Variants in PSPC1 observed in about 807,000 individuals in gnomAD.
The protein encoded by PSPC1 is paraspeckle protein 1.
PSPC1 carries 14 observed loss-of-function variants against 51.6 expected under a neutral mutation model. The ratio of observed to expected loss-of-function variants is 0.27; its 90% CI spans 0.18 to 0.42. The LOEUF is 0.42. PSPC1 is among the 10% of genes least tolerant of loss of function. The pLI, the probability that PSPC1 is intolerant of heterozygous loss-of-function variation, is 1.00. For synonymous variants in PSPC1, 193 were observed against 231.9 expected, an observed-to-expected ratio of 0.83 and a Z score of 1.53; for missense variants, 406 against 701.1, an observed-to-expected ratio of 0.58 and a Z score of 4.75.
chr13:19,717,937 G>A (rs1882318746), intron 6 of PSPC1, among the ~76,000 whole-genome samples: 1 of 151,662 alleles, frequency 6.6e-6, no homozygotes, highest in Admixed American at 6.6e-5. Context: ...TCAGGGTTTT[G>A]GGGGACCAAC....
chr13:19,680,834 C>T (rs9579656), intron 6 of PSPC1, among the ~76,000 whole-genome samples: 26,270 of 152,144 alleles, frequency 0.17, 2,447 homozygotes, highest in Middle Eastern at 0.22. Context: ...TCTAACCACC[C>T]CCTAAGATTG....
intron 7 of PSPC1, 122 bp from the exon 8 acceptor site, chr13:19,705,953 AATGCG>A (rs1880599939): frequency 1.3e-6 from 1 of 767,598 alleles, no homozygotes; most frequent in Admixed American, 3.2e-5. Context: ...GCTCCTTAAG[AATGCG>A]ATATGCGTTA....
At chr13:19,732,787 C>T (rs1054617715) in intron 5 of PSPC1, among the ~76,000 whole-genome samples, 3 of 151,962 alleles carry the variant, frequency 2.0e-5, no homozygotes, top group Non-Finnish European at 2.9e-5. Context: ...ATTTGCTGGA[C>T]GCGGTGGCAC....
At chr13:19,730,946 G>GGAAAAAAAAAAAAA (rs1463819333) in intron 5 of PSPC1, among the ~76,000 whole-genome samples, 1 of 25,222 alleles carries the variant, frequency 4.0e-5, no homozygotes, top group Non-Finnish European at 1.0e-4. Flanking sequence ...CCCTGTCTCA[G>GGAAAAAAAAAAAAA]AAAAAAAAAA....
intron 6 of PSPC1, among the ~76,000 whole-genome samples, chr13:19,720,783 G>A (rs1223325775): frequency 6.6e-6 from 1 of 152,192 alleles, no homozygotes; most frequent in Non-Finnish European, 1.5e-5. Context: ...TTGACACATA[G>A]TGCACAATAT....
chr13:19,748,993 C>T (rs1270503063), intron 4 of PSPC1, among the ~76,000 whole-genome samples: 2 of 151,416 alleles, frequency 1.3e-5, no homozygotes, highest in Non-Finnish European at 2.9e-5. Flanking sequence ...GTAGATCACT[C>T]GAGGCTAGGA....
At chr13:19,704,429 C>T (rs1275905677) in intron 8 of PSPC1, among the ~76,000 whole-genome samples, 1 of 152,296 alleles carries the variant, frequency 6.6e-6, no homozygotes, top group Non-Finnish European at 1.5e-5. Flanking sequence ...CTAAGACATA[C>T]AATGCATTGC....
chr13:19,697,030 T>C (rs1879339914), intron 6 of PSPC1, among the ~76,000 whole-genome samples: 1 of 152,242 alleles, frequency 6.6e-6, no homozygotes, highest in Non-Finnish European at 1.5e-5. Context: ...GCTGTAAATG[T>C]CTGAGGGTGT....
chr13:19,778,301 AAATT>A (rs201397481), intron 1 of PSPC1, among the ~76,000 whole-genome samples: 71,851 of 145,984 alleles, frequency 0.49, 22,016 homozygotes, highest in East Asian at 0.81. Flanking sequence ...AAAAAGAAAA[AAATT>A]AATAAAAATA....
chr13:19,726,403 A>C (rs929202122), intron 6 of PSPC1, among the ~76,000 whole-genome samples: 1 of 152,226 alleles, frequency 6.6e-6, no homozygotes, highest in African/African-American at 2.4e-5. Flanking sequence ...CTGAATCAAA[A>C]TACTTGGAGG....
intron 6 of PSPC1, chr13:19,677,890 C>G (rs1876846221): frequency 2.2e-6 from 1 of 455,950 alleles, no homozygotes; most frequent in Admixed American, 2.4e-5. Flanking sequence ...TGAGAAAAAT[C>G]AGAGTTAACT....
intron 6 of PSPC1, among the ~76,000 whole-genome samples, chr13:19,686,265 C>T (rs1392283056): frequency 2.0e-5 from 3 of 152,148 alleles, no homozygotes; most frequent in Non-Finnish European, 4.4e-5. Flanking sequence ...GAGCAATCTC[C>T]GTCCCAAGGG....
intron 1 of PSPC1, among the ~76,000 whole-genome samples, chr13:19,775,608 C>G (rs1339725068): frequency 6.6e-6 from 1 of 152,192 alleles, no homozygotes; most frequent in African/African-American, 2.4e-5. Context: ...GCATTCTAAA[C>G]AGTCGTTTTG....
rs372493744 is a variant in PSPC1 at position 19,692,677 on chromosome 13, C to T, written c.1159-14854G>A. On this transcript the variant is annotated intron_variant and NMD_transcript_variant, in intron 6 of 7. Coordinates refer to the PSPC1 transcript ENST00000471658. Reference sequence around the variant, plus strand: ...GCAGCTACATCAATCACCTCACCATCGACCCTGAACACACTTACCTTTGGC... The same window carrying T: ...GCAGCTACATCAATCACCTCACCATTGACCCTGAACACACTTACCTTTGGC... 6.8e-4 allele frequency among the ~76,000 whole-genome samples: 104 copies of T among 152,258 alleles called. 2 individuals are homozygous for T. The South Asian group carries it at 0.02, about 29-fold the overall frequency.
intron 2 of PSPC1, among the ~76,000 whole-genome samples, chr13:19,765,338 A>T (rs543396469): frequency 9.9e-5 from 14 of 141,714 alleles, no homozygotes; most frequent in South Asian, 2.1e-4. Context: ...TAATAATAAT[A>T]ATAATAATTA....
downstream of PSPC1, chr13:19,671,782 G>T: frequency 6.4e-7 from 1 of 1,574,052 alleles, no homozygotes; most frequent in South Asian, 1.1e-5. Flanking sequence ...TTTCTTGTAA[G>T]AAAGGGGAAA....
intron 6 of PSPC1, among the ~76,000 whole-genome samples, chr13:19,683,706 A>G (rs9506355): frequency 0.91 from 138,700 of 152,204 alleles, 64,536 homozygotes; most frequent in Non-Finnish European, 1. Context: ...CCTAAAATAA[A>G]ACCATGTTCA....
At chr13:19,761,351 A>G (rs1887591484) in intron 2 of PSPC1, among the ~76,000 whole-genome samples, 1 of 152,174 alleles carries the variant, frequency 6.6e-6, no homozygotes, top group South Asian at 2.1e-4. Flanking sequence ...AGGAATAAGC[A>G]GAATGGATGG....
At chr13:19,743,496 T>C (rs1029588489) in intron 4 of PSPC1, among the ~76,000 whole-genome samples, 1 of 152,052 alleles carries the variant, frequency 6.6e-6, no homozygotes, top group African/African-American at 2.4e-5. Context: ...AAAAAAGGAT[T>C]CAGACAGATT....
Sources: allele counts gnomAD v4.1 joint callset (sites outside exome capture counted in the v4.1 genomes callset), GRCh38; gene constraint gnomAD v4.1.1; transcripts MANE v1.5; gene names NCBI Gene and HGNC (gene_info 2026-07-23, HGNC 2026-07-21).